Variants in CELF2 observed in about 807,000 individuals in gnomAD.
CELF2 encodes the protein CUG triplet repeat RNA-binding protein 2.
A neutral mutation model predicts 62.6 loss-of-function variants in CELF2; 8 were observed. The ratio of observed to expected loss-of-function variants is 0.13; its 90% CI spans 0.07 to 0.23. CELF2 has a LOEUF of 0.23. Among genes scored for constraint, CELF2 ranks in the 10% least tolerant of loss-of-function variants. CELF2 has a pLI of 1.00. For synonymous variants in CELF2, 258 were observed against 250.0 expected, an observed-to-expected ratio of 1.03 and a Z score of -0.30; for missense variants, 333 against 671.0, an observed-to-expected ratio of 0.50 and a Z score of 5.56.
At chr10:10,775,524 G>C in the CELF2 span, among the ~76,000 whole-genome samples, 1 of 152,018 alleles carries the variant, frequency 6.6e-6, no homozygotes, top group South Asian at 2.1e-4. Context: ...TACTTGGAAG[G>C]CTGAGACAGG....
At chr10:11,265,343 T>C (rs536511748) in intron 5 of CELF2, among the ~76,000 whole-genome samples, 4 of 152,340 alleles carry the variant, frequency 2.6e-5, no homozygotes, top group African/African-American at 9.6e-5. Context: ...TCTGCTTCAT[T>C]TGGAAATCTT....
chr10:10,563,023 TA>T, the CELF2 span, among the ~76,000 whole-genome samples: 1 of 152,118 alleles, frequency 6.6e-6, no homozygotes, highest in South Asian at 2.1e-4. Flanking sequence ...TTTCTTTTAT[TA>T]AAACCTCTGG....
At chr10:11,036,727 C>A (rs928675262) in intron 1 of CELF2, among the ~76,000 whole-genome samples, 1 of 152,182 alleles carries the variant, frequency 6.6e-6, no homozygotes, top group African/African-American at 2.4e-5. Context: ...ACGCTGAGAG[C>A]CCGCTGGGGG....
chr10:10,488,908 A>G, the CELF2 span, among the ~76,000 whole-genome samples: 1 of 152,132 alleles, frequency 6.6e-6, no homozygotes, highest in Non-Finnish European at 1.5e-5. Flanking sequence ...TCCCCAACAG[A>G]GACACAAAGA....
rs537824774 is a variant in CELF2, at chr10:11,328,369, C to T, written c.1439-557C>T. 2.3e-4 allele frequency among the ~76,000 whole-genome samples: 35 copies of T among 152,316 alleles called. 1 individual carries two copies. The East Asian group carries it at 3.1e-3, about 13-fold the overall frequency. On this transcript the variant is annotated intron_variant, in intron 12 of 12. Coordinates refer to ENST00000633077, the MANE Select transcript of CELF2 (RefSeq NM_001326342.2). The surrounding 1 kb of genome is among the most constrained non-coding windows in gnomAD (Gnocchi z 6.4). ...TTTATTCGCTAATTGACCCATCCTC[C>T]AGCTAAACAGGTGTAGGCTCTGTGT...
rs1161376093 is a variant in CELF2 at position 11,039,389 on chromosome 10, A to G, written c.74+21226A>G. 1.3e-5 allele frequency among the ~76,000 whole-genome samples: 2 copies of G among 152,192 alleles called. No homozygotes were observed. Among genetic ancestry groups the G allele is most frequent in the African/African-American group, 2.4e-5 (1 of 41,446 alleles). ...CATCAAAGCTATTAAATAACATAGTACTTTTTGGACTATTCCTCCAACCTA... is the reference window on the plus strand; with the variant it reads ...CATCAAAGCTATTAAATAACATAGTGCTTTTTGGACTATTCCTCCAACCTA... On this transcript the variant is annotated intron_variant, in intron 1 of 12. Transcript: ENST00000633077. This position sits in a 1 kb window ranked among gnomAD's most constrained non-coding sequence, Gnocchi z 4.1.
intron 1 of CELF2, among the ~76,000 whole-genome samples, chr10:11,072,425 G>A (rs373126316): frequency 6.6e-6 from 1 of 152,176 alleles, no homozygotes; most frequent in South Asian, 2.1e-4. Context: ...TGTGTTTCCT[G>A]CATATTGCTA....
the CELF2 span, among the ~76,000 whole-genome samples, chr10:10,514,649 G>A: frequency 1.3e-5 from 2 of 152,138 alleles, no homozygotes; most frequent in Non-Finnish European, 1.5e-5. Context: ...CAAGAAGAAC[G>A]ATTTGGTTAT....
chr10:10,719,702 G>C, the CELF2 span, among the ~76,000 whole-genome samples: 5 of 152,110 alleles, frequency 3.3e-5, no homozygotes, highest in African/African-American at 1.2e-4. Context: ...CTTGCTCTGT[G>C]ACCCTAACCT....
In CELF2 at chr10:11,270,327, G is replaced by A. The variant is rs767084883; in HGVS notation, c.619-339G>A. Among the ~76,000 whole-genome samples the A allele has an allele frequency of 6.6e-6, 1 of 152,204 alleles. No homozygotes were observed. The highest frequency in any genetic ancestry group is 1.5e-5 in the Non-Finnish European group (1 of 68,038). The stretch of plus-strand genomic sequence containing the variant: ...GTCTTTAAGACGAGCAGCCTGAGAA[G>A]CTCAATTAAAGAACCTTGGTAAGGT... On this transcript the variant is annotated intron_variant, in intron 6 of 12. Transcript: ENST00000633077. The surrounding 1 kb of genome is among the most constrained non-coding windows in gnomAD (Gnocchi z 5.8).
intron 1 of CELF2, among the ~76,000 whole-genome samples, chr10:11,035,211 A>T (rs1018642004): frequency 1.3e-5 from 2 of 152,216 alleles, no homozygotes; most frequent in Non-Finnish European, 2.9e-5. Context: ...GAAAAAAAAA[A>T]ATTCTAACCT....
intron 9 of CELF2, among the ~76,000 whole-genome samples, chr10:11,294,863 TCACAC>T (rs1308663708): frequency 6.6e-6 from 1 of 152,152 alleles, no homozygotes. Flanking sequence ...GTGACCAAGA[TCACAC>T]CACTGCACTC....
At chr10:10,766,287 T>G in the CELF2 span, among the ~76,000 whole-genome samples, 2 of 152,156 alleles carry the variant, frequency 1.3e-5, no homozygotes, top group Admixed American at 6.5e-5. Flanking sequence ...AGACCAGCTG[T>G]TCTGGGTGAT....
chr10:11,116,085 G>A (rs148597987), intron 1 of CELF2, among the ~76,000 whole-genome samples: 1 of 152,188 alleles, frequency 6.6e-6, no homozygotes, highest in East Asian at 1.9e-4. Flanking sequence ...CTGTGGGACA[G>A]TATTCGTAAT....
At chr10:11,005,008 T>G, upstream of CELF2, 3 of 978,690 alleles carry the variant, frequency 3.1e-6, no homozygotes, top group Non-Finnish European at 3.6e-6. This position sits in a 1 kb window ranked among gnomAD's most constrained non-coding sequence, Gnocchi z 4.3. Flanking sequence ...GGTAAATGAG[T>G]TCCTTGGTTG....
the CELF2 span, among the ~76,000 whole-genome samples, chr10:10,524,796 T>C: frequency 6.6e-6 from 1 of 151,994 alleles, no homozygotes; most frequent in Admixed American, 6.6e-5. Context: ...ATGAAATGAG[T>C]TTTTGTTTAG....
At chr10:10,585,495 T>G in the CELF2 span, among the ~76,000 whole-genome samples, 3 of 152,162 alleles carry the variant, frequency 2.0e-5, no homozygotes, top group South Asian at 6.2e-4. Context: ...AGTTGGGGTT[T>G]CAGCTGATTG....
At chr10:10,823,093 G>A (rs537736292) in intron 1 of CELF2, among the ~76,000 whole-genome samples, 1 of 152,096 alleles carries the variant, frequency 6.6e-6, no homozygotes, top group Non-Finnish European at 1.5e-5. Context: ...CCTTAAAATG[G>A]CATATGTAAT....
chr10:11,137,583 T>A (rs116330506), intron 1 of CELF2, among the ~76,000 whole-genome samples: 5,937 of 152,284 alleles, frequency 0.039, 138 homozygotes, highest in Middle Eastern at 0.048. Flanking sequence ...ATAGAAAATG[T>A]TAAATAGATG....
Sources: gnomAD v4.1 joint callset for allele counts (sites outside exome capture counted in the v4.1 genomes callset) on GRCh38, gnomAD v4.1.1 for gene constraint, Gnocchi (gnomAD v3.1) non-coding constraint, MANE v1.5 for transcripts, NCBI Gene and HGNC (gene_info 2026-07-23, HGNC 2026-07-21) for gene names.